Variants in GALNT12 observed in about 807,000 individuals in gnomAD.
The protein encoded by GALNT12 is polypeptide N-acetylgalactosaminyltransferase 12, also known as UDP-GalNAc:polypeptide N-acetylgalactosaminyltransferase 12.
Under a neutral mutation model 55.5 loss-of-function variants are expected in GALNT12, and 45 were observed. The observed-to-expected ratio is 0.81, with a 90% CI of 0.64 to 1.04. The LOEUF (loss-of-function observed/expected upper bound fraction) is 1.04. Ranked by LOEUF, GALNT12 falls within the 50% of genes least tolerant of loss-of-function variation. GALNT12 has a pLI of 0.00. For synonymous variants in GALNT12, 304 were observed against 312.2 expected (o/e 0.97, Z 0.28); for missense variants, 709 against 754.8 (o/e 0.94, Z 0.71).
chr9:98,835,172 CGTG>C, intron 4 of GALNT12, 74 bp from the exon 5 acceptor site: 1 of 967,698 alleles, frequency 1.0e-6, no homozygotes, highest in Non-Finnish European at 1.7e-6. Context: ...TGAAAGGGCT[CGTG>C]GTGGGAAGGT....
intron 3 of GALNT12, among the ~76,000 whole-genome samples, chr9:98,828,055 C>G: frequency 6.6e-6 from 1 of 152,156 alleles, no homozygotes; most frequent in African/African-American, 2.4e-5. Flanking sequence ...CCAGAAGCTC[C>G]CCAGGTGGGA....
At position 98,820,011 on chromosome 9, in the gene GALNT12, A is replaced by T. The variant is rs529207862; in HGVS notation, c.372-3245A>T. Among the ~76,000 whole-genome samples the T allele has an allele frequency of 5.3e-5, 8 of 152,294 alleles. No individual in the cohort carries two copies. In the South Asian group the frequency reaches 1.7e-3, roughly 32 times the overall value. ...CAATTCAGAGGCACATTTTTTTCCC[A>T]CATTTCAACATTTCTAAAATTAGCA... On this transcript the variant is annotated intron_variant, in intron 1 of 9. Coordinates refer to ENST00000375011, the MANE Select transcript of GALNT12 (RefSeq NM_024642.5).
intron 7 of GALNT12, among the ~76,000 whole-genome samples, chr9:98,843,801 A>C (rs1836352275): frequency 6.6e-6 from 1 of 152,206 alleles, no homozygotes; most frequent in Non-Finnish European, 1.5e-5. Flanking sequence ...TTGGACTTGC[A>C]CAGCAGTAAG....
At position 98,826,851 on chromosome 9, in the gene GALNT12, TG is replaced by T. The variant is rs2118377492; in HGVS notation, c.646del (p.Ala216ArgfsTer9). 1 of 1,608,140 alleles carries T rather than the reference TG, an allele frequency of 6.2e-7. No individual in the cohort carries two copies. The highest frequency in any genetic ancestry group is 8.5e-7 in the Non-Finnish European group (1 of 1,177,702). On this transcript the variant is annotated frameshift_variant, in exon 3 of 10. Transcript: ENST00000375011. LOFTEE classifies it high-confidence loss of function. ...GAGGGCCTGGTGCGAGCCCGGCTGC[TG>T]GGGGCGTCTGCGGCGAGGGGCGATG... is the stretch of plus-strand genomic sequence containing the variant. Reference protein sequence around the residue: ...KREGLVRARLLGASAARGDVL... With the variant: ...KREGLVRARLXGASAARGDVL...
chr9:98,830,746 A>G (rs1221642741), intron 3 of GALNT12, among the ~76,000 whole-genome samples: 1 of 152,234 alleles, frequency 6.6e-6, no homozygotes, highest in East Asian at 1.9e-4. Flanking sequence ...TCACAGATCT[A>G]AGACCCTGTC....
intron 1 of GALNT12, among the ~76,000 whole-genome samples, chr9:98,818,159 T>A (rs1835657058): frequency 6.6e-6 from 1 of 152,238 alleles, no homozygotes; most frequent in Non-Finnish European, 1.5e-5. Context: ...TCTCTCATGA[T>A]ACCATGATAT....
chr9:98,835,530 C>A lies in GALNT12; in HGVS notation c.1035+164C>A, dbSNP rs74511919. Among the ~76,000 whole-genome samples, 1,494 of 152,238 alleles carry A rather than the reference C, an allele frequency of 9.8e-3. 32 individuals carry two copies. Among genetic ancestry groups the A allele is most frequent in the African/African-American group, 0.034 (1,431 of 41,520 alleles). ...TAGCTTTTTAAAAAGTGTACTTTTT[C>A]TAGATTTGGGGCCAGCAAGGGCCTT... On this transcript the variant is annotated intron_variant, in intron 5 of 9. Coordinates refer to ENST00000375011, the MANE Select transcript of GALNT12 (RefSeq NM_024642.5).
chr9:98,831,149 C>T (rs1038540240), intron 3 of GALNT12, among the ~76,000 whole-genome samples: 1 of 152,146 alleles, frequency 6.6e-6, no homozygotes, highest in African/African-American at 2.4e-5. Context: ...GCATTTTTCA[C>T]TATATGTAAT....
At chr9:98,838,618 AG>A (rs1836213952) in intron 6 of GALNT12, among the ~76,000 whole-genome samples, 1 of 152,106 alleles carries the variant, frequency 6.6e-6, no homozygotes, top group South Asian at 2.1e-4. Context: ...CTTCTTTCCC[AG>A]GTCTTGGGCT....
rs1588436072 is a variant in GALNT12, at chr9:98,807,749, C to A, written c.51C>A (p.Gly17=). Residue 17 remains glycine (G), a synonymous_variant, in exon 1 of 10, where the codon GGC becomes GGA. Coordinates refer to ENST00000375011, the MANE Select transcript of GALNT12 (RefSeq NM_024642.5). The stretch of plus-strand genomic sequence containing the variant: ...GCTGCCCGCGGGAACTGCGGCGCGG[C>A]CGGGAGGCGCTGTTGGTGCTCCTGG... ...RRRCPRELRR[G]REALLVLLAL... 1 of 1,185,132 alleles carries A rather than the reference C, an allele frequency of 8.4e-7. No individual in the cohort carries two copies. The highest frequency in any genetic ancestry group is 1.0e-6 in the Non-Finnish European group (1 of 952,384). 73.4% of individuals were successfully genotyped at this position (1,185,132 alleles called of 1,614,324 possible).
intron 6 of GALNT12, 100 bp downstream of exon 6, chr9:98,837,248 G>T: frequency 1.7e-6 from 2 of 1,152,180 alleles, no homozygotes. Context: ...CAGAAATAGA[G>T]AATAAATTGG....
Position 98,849,195 on chromosome 9 carries a change from T to C in GALNT12, c.*103T>C. On this transcript the variant is annotated 3_prime_UTR_variant, in exon 10 of 10. Coordinates refer to ENST00000375011, the MANE Select transcript of GALNT12 (RefSeq NM_024642.5). ...GACCAGAACCCACCAAAAACTAGGC[T>C]GCATTGCTTTGAAGAGGCAATCATT... 1 of 1,187,440 alleles carries C rather than the reference T, an allele frequency of 8.4e-7. No individual in the cohort carries two copies. The highest frequency in any genetic ancestry group is 1.3e-5 in the South Asian group (1 of 78,892). 73.6% of individuals were successfully genotyped at this position (1,187,440 alleles called of 1,614,324 possible).
chr9:98,847,361 A>C (rs914292498), intron 9 of GALNT12: 1 of 152,140 alleles, frequency 6.6e-6, no homozygotes, highest in Admixed American at 6.6e-5. Context: ...TTACCTATTG[A>C]ATACAGGAAA....
At chr9:98,835,209 C>T in intron 4 of GALNT12, 40 bp from the exon 5 acceptor site, 1 of 1,353,682 alleles carries the variant, frequency 7.4e-7, no homozygotes, top group African/African-American at 1.4e-5. Context: ...TGATGGTTTT[C>T]TGCTGTCTAC....
intron 3 of GALNT12, among the ~76,000 whole-genome samples, chr9:98,827,744 G>A (rs1835891657): frequency 6.6e-6 from 1 of 152,144 alleles, no homozygotes; most frequent in African/African-American, 2.4e-5. Context: ...ATGTAATAAT[G>A]AATCTAGCAT....
Position 98,826,803 on chromosome 9 carries a change from G to A in GALNT12, c.593G>A (p.Arg198His), listed in dbSNP as rs1247073303. 8 of 1,611,946 alleles carry A rather than the reference G, an allele frequency of 5.0e-6. No individual in the cohort carries two copies. The highest frequency in any genetic ancestry group is 2.2e-5 in the East Asian group (1 of 44,878). The stretch of plus-strand genomic sequence containing the variant: ...GAGCTTTCGGGACTGCCCAAGGTGC[G>A]CCTGATCCGCGCCAACAAGAGAGAG... ...ANELSGLPKV[R>H]LIRANKREGL... Residue 198 changes from arginine (R) to histidine (H), a missense_variant, in exon 3 of 10, where the codon CGC becomes CAC. Arg to His is a conservative substitution (Grantham distance 29). Transcript: ENST00000375011.
At chr9:98,837,590 A>AT (rs1434665283) in intron 6 of GALNT12, among the ~76,000 whole-genome samples, 1 of 152,180 alleles carries the variant, frequency 6.6e-6, no homozygotes, top group Non-Finnish European at 1.5e-5. Flanking sequence ...AGCACGTGTT[A>AT]TTTTCTCTTC....
intron 8 of GALNT12, 145 bp from the exon 9 acceptor site, chr9:98,845,832 A>G (rs534161915): frequency 1.6e-5 from 13 of 804,774 alleles, no homozygotes; most frequent in Non-Finnish European, 2.3e-5. Context: ...ATGCGGAGGA[A>G]CCCATCACAC....
chr9:98,820,260 C>G (rs961239175), intron 1 of GALNT12, among the ~76,000 whole-genome samples: 2 of 152,142 alleles, frequency 1.3e-5, no homozygotes, highest in Non-Finnish European at 2.9e-5. Flanking sequence ...CCACCCCCGA[C>G]GACAGGCCCC....
Sources: gnomAD v4.1 joint callset for allele counts (sites outside exome capture counted in the v4.1 genomes callset) on GRCh38, gnomAD v4.1.1 for gene constraint, MANE v1.5 for transcripts, NCBI Gene and HGNC (gene_info 2026-07-23, HGNC 2026-07-21) for gene names.